The following SLC46A2 variants were observed in gnomAD, a reference collection of about 807,000 sequenced individuals.
SLC46A2 encodes the protein thymic stromal co-transporter.
In SLC46A2, 25 loss-of-function variants were observed where a neutral mutation model predicts 33.1. The ratio of observed to expected loss-of-function variants is 0.76; its 90% CI spans 0.55 to 1.06. The LOEUF is 1.06. Among genes scored for constraint, SLC46A2 ranks in the 50% least tolerant of loss-of-function variants. SLC46A2 has a pLI of 0.00. For synonymous variants in SLC46A2, 254 were observed against 275.9 expected (o/e 0.92, Z 0.79); for missense variants, 622 against 621.7 (o/e 1.00, Z 0.00).
Position 112,879,405 on chromosome 9 carries a change from C to G in SLC46A2, c.*357G>C, listed in dbSNP as rs560726658. The G allele has an allele frequency of 1.4e-4, 31 of 218,430 alleles. No homozygotes were observed. Among genetic ancestry groups the G allele is most frequent in the African/African-American group, 6.3e-4 (28 of 44,604 alleles). The allele number at this position is 218,430 out of a possible 1,614,324, so 13.5% of individuals were successfully genotyped here. A position where few individuals can be genotyped will look rare whatever the true frequency, so the allele number is the denominator to read the frequency against. Reference sequence around the variant, plus strand: ...ATACTTTGGAGCCCTCAAGACAGTCCCTTGAAGAAAAGGGGCAGGCTCGCT... The same window carrying G: ...ATACTTTGGAGCCCTCAAGACAGTCGCTTGAAGAAAAGGGGCAGGCTCGCT... On this transcript the variant is annotated 3_prime_UTR_variant, in exon 4 of 4. Coordinates refer to ENST00000374228, the MANE Select transcript of SLC46A2 (RefSeq NM_033051.4).
intron 3 of SLC46A2, among the ~76,000 whole-genome samples, chr9:112,884,476 A>G (rs1041023158): frequency 6.6e-6 from 1 of 152,222 alleles, no homozygotes; most frequent in Admixed American, 6.5e-5. Context: ...CGGAAAGGAA[A>G]GTAATGGAAA....
rs755400329 is a variant in SLC46A2, at chr9:112,889,799, G to T, written c.883C>A (p.Leu295Met). The T allele has an allele frequency of 9.9e-6, 16 of 1,614,052 alleles. No homozygotes were observed. The highest frequency in any genetic ancestry group is 1.4e-5 in the Non-Finnish European group (16 of 1,180,032). ...ACGTCCACTGTGCCCACCACCGCCAGGTCATATATGATAGCACCCACAAAG... is the reference window on the plus strand; with the variant it reads ...ACGTCCACTGTGCCCACCACCGCCATGTCATATATGATAGCACCCACAAAG... ...LLFVGAIIYD[L>M]AVVGTVDVIP... Residue 295 changes from leucine to methionine, a missense_variant, in exon 1 of 4, where the codon CTG becomes ATG. Physicochemically the swap from Leu to Met is conservative, Grantham distance 15. Coordinates refer to ENST00000374228, the MANE Select transcript of SLC46A2 (RefSeq NM_033051.4).
At chr9:112,883,196 A>T (rs981560075) in intron 3 of SLC46A2, among the ~76,000 whole-genome samples, 1 of 152,188 alleles carries the variant, frequency 6.6e-6, no homozygotes, top group Non-Finnish European at 1.5e-5. Context: ...GTGAGACAGC[A>T]CGTGCAGACC....
intron 1 of SLC46A2, among the ~76,000 whole-genome samples, chr9:112,888,658 A>G (rs1349385920): frequency 6.6e-6 from 1 of 152,200 alleles, no homozygotes; most frequent in Admixed American, 6.5e-5. Context: ...AGAAAGTTCT[A>G]TTGGAGCATT....
Position 112,886,431 on chromosome 9 carries a change from C to T in SLC46A2, c.1370+29G>A, listed in dbSNP as rs1841642778. ...TTGACCTAAGCATCAGGGTCCCAGCCCAAGCAGCAGATGCTGCTCCCATCC... is the reference window on the plus strand; with the variant it reads ...TTGACCTAAGCATCAGGGTCCCAGCTCAAGCAGCAGATGCTGCTCCCATCC... On this transcript the variant is annotated intron_variant, in intron 3 of 3. Transcript: ENST00000374228. 1.9e-6 allele frequency: 3 copies of T among 1,612,870 alleles called. No individual in the cohort carries two copies. The East Asian group carries it at 6.7e-5, about 36-fold the overall frequency.
rs570512071 is a variant in SLC46A2 at position 112,888,546 on chromosome 9, T to C, written c.1129+1007A>G. ...TACAATGACATAAAATTTAAAAATC[T>C]GTTCTTTAGTTGCGCTAGCTACATT... On this transcript the variant is annotated intron_variant, in intron 1 of 3. Transcript: ENST00000374228. Among the ~76,000 whole-genome samples, 3 of 152,354 alleles carry C rather than the reference T, an allele frequency of 2.0e-5. No homozygotes were observed. The East Asian group carries it at 5.8e-4, about 29-fold the overall frequency.
rs536810172 is a variant in SLC46A2, at chr9:112,890,744, T to C, written c.-63A>G. The C allele has an allele frequency of 2.6e-5, 39 of 1,519,836 alleles. No homozygotes were observed. The South Asian group carries it at 4.5e-4, about 18-fold the overall frequency. The allele number at this position is 1,519,836 out of a possible 1,614,324, so 94.1% of individuals were successfully genotyped here. On this transcript the variant is annotated 5_prime_UTR_variant, in exon 1 of 4. Coordinates refer to ENST00000374228, the MANE Select transcript of SLC46A2 (RefSeq NM_033051.4). This position sits in a 1 kb window ranked among gnomAD's most constrained non-coding sequence, Gnocchi z 6.0. ...GCAGTGACAAGGATATGCTCCCAAA[T>C]TCGGCTGCTACGGCTGCTCAGGTTT...
intron 3 of SLC46A2, among the ~76,000 whole-genome samples, chr9:112,882,145 C>T (rs923231780): frequency 1.3e-5 from 2 of 152,156 alleles, no homozygotes; most frequent in African/African-American, 4.8e-5. Flanking sequence ...CTTGCTCTGT[C>T]ACCCAGGCTG....
Position 112,890,846 on chromosome 9 carries a change from G to A in SLC46A2, c.-165C>T. ...GTGCGCCGGGAGCGCGCCGGCCAGT[G>A]GCGAGCAGAGCCAGGGCACGCAGCG... On this transcript the variant is annotated 5_prime_UTR_variant, in exon 1 of 4. Coordinates refer to ENST00000374228, the MANE Select transcript of SLC46A2 (RefSeq NM_033051.4). The surrounding 1 kb of genome is among the most constrained non-coding windows in gnomAD (Gnocchi z 6.0). The A allele has an allele frequency of 2.4e-6, 2 of 818,448 alleles. No individual in the cohort carries two copies. Among genetic ancestry groups the A allele is most frequent in the South Asian group, 1.9e-5 (1 of 53,054 alleles). The allele number at this position is 818,448 out of a possible 1,614,324, so 50.7% of individuals were successfully genotyped here.
In SLC46A2 at chr9:112,890,052, G is replaced by C. The variant is rs765304377; in HGVS notation, c.630C>G (p.Ala210=). 23 of 1,613,818 alleles carry C rather than the reference G, an allele frequency of 1.4e-5. No homozygotes were observed. Among genetic ancestry groups the C allele is most frequent in the Non-Finnish European group, 3.4e-6 (4 of 1,180,032 alleles). Residue 210 remains alanine, a synonymous_variant, in exon 1 of 4, where the codon GCC becomes GCG. Transcript: ENST00000374228. The surrounding 1 kb of genome is among the most constrained non-coding windows in gnomAD (Gnocchi z 6.0). ...CAAACGAGGCACAGCTCACGCTGCA[G>C]GCCGTCAGTATCAGGCCCTGCCCAG... The part of the protein sequence containing the change: ...GHSGQGLILT[A]CSVSCASFAL...
rs1451768601 is a variant in SLC46A2, at chr9:112,890,599, G to T, written c.83C>A (p.Ser28Ter). ...GTAGAGGGAGGCAGCCACCTGGGAC[G>T]AGGCCACCACGGGCTCAACCCAGGT... ...PRTWVEPVVA[S>*]SQVAASLYDA... Residue 28 changes from serine to a stop codon, truncating the protein, a stop_gained, in exon 1 of 4, where the codon TCG becomes TAG. Coordinates refer to ENST00000374228, the MANE Select transcript of SLC46A2 (RefSeq NM_033051.4). LOFTEE classifies it high-confidence loss of function. The surrounding 1 kb of genome is among the most constrained non-coding windows in gnomAD (Gnocchi z 6.0). 6.2e-7 allele frequency: 1 copy of T among 1,609,698 alleles called. No homozygotes were observed. The highest frequency in any genetic ancestry group is 1.7e-5 in the Admixed American group (1 of 60,038).
Position 112,890,441 on chromosome 9 carries a change from A to G in SLC46A2, c.241T>C (p.Tyr81His). Residue 81 changes from tyrosine (Y) to histidine (H), a missense_variant, in exon 1 of 4, where the codon TAC becomes CAC. By Grantham distance (83) the Tyr-to-His change is moderately conservative. Coordinates refer to ENST00000374228, the MANE Select transcript of SLC46A2 (RefSeq NM_033051.4). This position sits in a 1 kb window ranked among gnomAD's most constrained non-coding sequence, Gnocchi z 6.0. The part of the protein sequence containing the change: ...QRAISNFYII[Y>H]NLVVGLSPLL... ...GGGGACAGGCCCACCACAAGGTTGT[A>G]GATAATGTAGAAATTGGAGATGGCT... is the stretch of plus-strand genomic sequence containing the variant. The G allele has an allele frequency of 6.2e-7, 1 of 1,614,226 alleles. No individual in the cohort carries two copies. The highest frequency in any genetic ancestry group is 1.3e-5 in the African/African-American group (1 of 75,076).
intron 3 of SLC46A2, among the ~76,000 whole-genome samples, chr9:112,882,132 A>C (rs1841584807): frequency 6.6e-6 from 1 of 152,138 alleles, no homozygotes. Flanking sequence ...TTTGAGACAG[A>C]GTCTTGCTCT....
At chr9:112,882,018 T>C (rs1260035167) in intron 3 of SLC46A2, among the ~76,000 whole-genome samples, 5 of 152,122 alleles carry the variant, frequency 3.3e-5, no homozygotes, top group Non-Finnish European at 7.4e-5. Context: ...GGGTGGTCAA[T>C]GGCAGGAATA....
Position 112,886,717 on chromosome 9 carries a change from A to T in SLC46A2, c.1214-101T>A, listed in dbSNP as rs529014961. 6.3e-5 allele frequency: 71 copies of T among 1,128,300 alleles called. 1 individual carries two copies. The highest frequency in any genetic ancestry group is 8.2e-5 in the Non-Finnish European group (65 of 795,964). The allele number at this position is 1,128,300 out of a possible 1,614,324, so 69.9% of individuals were successfully genotyped here. On this transcript the variant is annotated intron_variant, in intron 2 of 3. Transcript: ENST00000374228. Reference sequence around the variant, plus strand: ...AGTTCTTAGGGGACCCTTCCTTCTTACTCTCTCTCTCTCTCTCTTTTTTTA... The same window carrying T: ...AGTTCTTAGGGGACCCTTCCTTCTTTCTCTCTCTCTCTCTCTCTTTTTTTA...
At position 112,879,694 on chromosome 9, in the gene SLC46A2, G is replaced by C; in HGVS notation, c.*68C>G. The C allele has an allele frequency of 6.8e-7, 1 of 1,465,718 alleles. No individual in the cohort carries two copies. Among genetic ancestry groups the C allele is most frequent in the Non-Finnish European group, 9.5e-7 (1 of 1,049,460 alleles). 90.8% of individuals were successfully genotyped at this position (1,465,718 alleles called of 1,614,324 possible). ...GGGTTGCTTAGGTCACCAGTTCCCTGGTCCCTTCTTTTGTCTTCTGGGGGC... is the reference window on the plus strand; with the variant it reads ...GGGTTGCTTAGGTCACCAGTTCCCTCGTCCCTTCTTTTGTCTTCTGGGGGC... On this transcript the variant is annotated 3_prime_UTR_variant, in exon 4 of 4. Coordinates refer to ENST00000374228, the MANE Select transcript of SLC46A2 (RefSeq NM_033051.4).
At chr9:112,883,692 TTTC>T (rs1037466407) in intron 3 of SLC46A2, among the ~76,000 whole-genome samples, 3 of 115,846 alleles carry the variant, frequency 2.6e-5, no homozygotes, top group African/African-American at 9.9e-5. Context: ...TTTTTTCTTT[TTTC>T]TTTTCTTTTT....
intron 3 of SLC46A2, 119 bp from the exon 4 acceptor site, chr9:112,879,938 C>G: frequency 1.1e-6 from 1 of 883,478 alleles, no homozygotes; most frequent in Non-Finnish European, 1.8e-6. Context: ...CATAGGTAGG[C>G]ATTGACCAAG....
intron 3 of SLC46A2, among the ~76,000 whole-genome samples, chr9:112,883,332 G>T (rs543507087): frequency 6.6e-6 from 1 of 152,116 alleles, no homozygotes; most frequent in East Asian, 1.9e-4. Context: ...AGGAGAGGCC[G>T]CACCCAGATA....
Sources: gnomAD v4.1 joint callset for allele counts (sites outside exome capture counted in the v4.1 genomes callset) on GRCh38, gnomAD v4.1.1 for gene constraint, Gnocchi (gnomAD v3.1) non-coding constraint, MANE v1.5 for transcripts, NCBI Gene and HGNC (gene_info 2026-07-23, HGNC 2026-07-21) for gene names.